Variants in CAPN3 observed in about 807,000 individuals in gnomAD.
CAPN3 encodes calpain 3.
A neutral mutation model predicts 114.0 loss-of-function variants in CAPN3; 88 were observed. The observed-to-expected ratio is 0.77, with a 90% CI of 0.65 to 0.92. CAPN3 has a LOEUF of 0.92. Ranked by LOEUF, CAPN3 falls within the 40% of genes least tolerant of loss-of-function variation. CAPN3 has a pLI of 0.00. For synonymous variants in CAPN3, 386 were observed against 382.9 expected (o/e 1.01, Z -0.09); for missense variants, 1,028 against 1,069.0 (o/e 0.96, Z 0.53).
At chr15:42,370,596 A>C (rs114830042) in intron 1 of CAPN3, among the ~76,000 whole-genome samples, 2,224 of 152,312 alleles carry the variant, frequency 0.015, 56 homozygotes, top group African/African-American at 0.051. Context: ...TGTCCTAGCC[A>C]CAGAGAGGAA....
At position 42,366,728 on chromosome 15, in the gene CAPN3, T is replaced by A. The variant is rs548357458; in HGVS notation, c.309+6614T>A. Among the ~76,000 whole-genome samples the A allele has an allele frequency of 1.3e-4, 19 of 151,964 alleles. No homozygotes were observed. The South Asian group carries it at 3.9e-3, about 32-fold the overall frequency. Reference sequence around the variant, plus strand: ...TTACAAGAGGGAGGAGAGCTAGAACTGAAAGGAAAATGGAGTGGAGGAAGC... The same window carrying A: ...TTACAAGAGGGAGGAGAGCTAGAACAGAAAGGAAAATGGAGTGGAGGAAGC... On this transcript the variant is annotated intron_variant, in intron 1 of 23. Coordinates refer to ENST00000397163, the MANE Select transcript of CAPN3 (RefSeq NM_000070.3).
rs768100265 is a variant in CAPN3 at position 42,359,907 on chromosome 15, TG to T, written c.107del (p.Gly36ValfsTer21). On this transcript the variant is annotated frameshift_variant, in exon 1 of 24. Transcript: ENST00000397163. LOFTEE classifies it high-confidence loss of function. The stretch of plus-strand genomic sequence containing the variant: ...CGGCCCAGAGCAAGGCCACTGAGGC[TG>T]GGGGTGGAAACCCAAGTGGCATCTA... ...HPAQSKATEA[G>X]GGNPSGIYSA... 3 of 1,614,222 alleles carry T rather than the reference TG, an allele frequency of 1.9e-6. No individual in the cohort carries two copies. Among genetic ancestry groups the T allele is most frequent in the Non-Finnish European group, 1.7e-6 (2 of 1,180,042 alleles).
At chr15:42,397,437 C>T (rs192795922) in intron 9 of CAPN3, among the ~76,000 whole-genome samples, 1 of 152,022 alleles carries the variant, frequency 6.6e-6, no homozygotes, top group Non-Finnish European at 1.5e-5. Context: ...GTCAGGAGAT[C>T]GAGAACATCT....
chr15:42,409,401 G>A (rs2054133525), intron 17 of CAPN3, 21 bp downstream of exon 17: 1 of 1,604,608 alleles, frequency 6.2e-7, no homozygotes, highest in Middle Eastern at 1.7e-4. Context: ...CCAAGCCCAG[G>A]ACGCCCACAG....
chr15:42,403,618 G>C, intron 13 of CAPN3, 123 bp from the exon 14 acceptor site: 1 of 883,550 alleles, frequency 1.1e-6, no homozygotes, highest in Non-Finnish European at 1.9e-6. Context: ...GGGTGTTCCA[G>C]GGGTTCTCTA....
chr15:42,404,889 T>A (rs2141207798), intron 14 of CAPN3: 1 of 1,036,700 alleles, frequency 9.6e-7, no homozygotes, highest in African/African-American at 1.7e-5. Context: ...ATCTGGATGC[T>A]GGTCATCGGT....
rs1250069474 is a variant in CAPN3 at position 42,411,992 on chromosome 15, A to T, written c.*219A>T. The T allele has an allele frequency of 6.6e-7, 1 of 1,508,936 alleles. No homozygotes were observed. Among genetic ancestry groups the T allele is most frequent in the East Asian group, 2.5e-5 (1 of 40,704 alleles). The allele number at this position is 1,508,936 out of a possible 1,614,324, so 93.5% of individuals were successfully genotyped here. A position where few individuals can be genotyped will look rare whatever the true frequency, so the allele number is the denominator to read the frequency against. On this transcript the variant is annotated 3_prime_UTR_variant, in exon 24 of 24. Transcript: ENST00000397163. ...GTAAAGCAATGAGGTAGGAAGAACA[A>T]ACCCTTGTCCCTTTGCCATGTGGAG...
intron 1 of CAPN3, among the ~76,000 whole-genome samples, chr15:42,366,612 C>G (rs1351193014): frequency 6.6e-6 from 1 of 151,926 alleles, no homozygotes; most frequent in African/African-American, 2.4e-5. Context: ...ATTATAATTA[C>G]AGAATTACAA....
At chr15:42,402,271 T>C (rs1348453378) in intron 12 of CAPN3, 136 bp downstream of exon 12, 42 of 1,597,560 alleles carry the variant, frequency 2.6e-5, no homozygotes, top group Non-Finnish European at 3.2e-5. Flanking sequence ...GCCTGTGTTA[T>C]TTCCACTGCA....
At chr15:42,405,854 CA>C in intron 14 of CAPN3, 71 bp from the exon 15 acceptor site, 1 of 1,293,658 alleles carries the variant, frequency 7.7e-7, no homozygotes, top group Non-Finnish European at 1.1e-6. Flanking sequence ...ACAGGGAAGC[CA>C]AAAGCCACTG....
intron 1 of CAPN3, among the ~76,000 whole-genome samples, chr15:42,378,433 T>C (rs529962426): frequency 2.0e-5 from 3 of 152,360 alleles, no homozygotes; most frequent in Admixed American, 6.5e-5. Flanking sequence ...GGTTTGTGTT[T>C]ATATCCTATA....
In CAPN3 at chr15:42,387,736, G is replaced by A. The variant is rs1239657060; in HGVS notation, c.499-17G>A. On this transcript the variant is annotated splice_polypyrimidine_tract_variant and intron_variant, in intron 3 of 23. Coordinates refer to ENST00000397163, the MANE Select transcript of CAPN3 (RefSeq NM_000070.3). Reference sequence around the variant, plus strand: ...GTAATTTGAGTATGTGACTCTGTGCGTGACGCTTCTGTGCAGTTCTGGCGC... The same window carrying A: ...GTAATTTGAGTATGTGACTCTGTGCATGACGCTTCTGTGCAGTTCTGGCGC... 6 of 1,614,158 alleles carry A rather than the reference G, an allele frequency of 3.7e-6. No homozygotes were observed. Among genetic ancestry groups the A allele is most frequent in the Middle Eastern group, 3.3e-4 (2 of 6,060 alleles).
intron 16 of CAPN3, 37 bp downstream of exon 16, chr15:42,408,361 C>G (rs770176662): frequency 7.6e-7 from 1 of 1,323,512 alleles, no homozygotes; most frequent in African/African-American, 1.4e-5. Flanking sequence ...GTGGCCAGCA[C>G]GCTACAGGGG....
intron 1 of CAPN3, among the ~76,000 whole-genome samples, chr15:42,380,625 A>ATG (rs1464517969): frequency 7.0e-6 from 1 of 142,892 alleles, no homozygotes; most frequent in African/African-American, 2.7e-5. Context: ...ATGTATGTAT[A>ATG]TGTGTGTGTA....
In CAPN3 at chr15:42,409,911, A is replaced by C. The variant is rs1370152677; in HGVS notation, c.2051-20A>C. The C allele has an allele frequency of 2.5e-6, 4 of 1,612,052 alleles. No homozygotes were observed. In the African/African-American group the frequency reaches 5.4e-5, roughly 22 times the overall value. On this transcript the variant is annotated intron_variant, in intron 18 of 23. Coordinates refer to ENST00000397163, the MANE Select transcript of CAPN3 (RefSeq NM_000070.3). ...TCCCGTTGTCTCAAAGCAGCTCCTC[A>C]CTCTTCTCCATCCCCCCAGACAAGG... is the stretch of plus-strand genomic sequence containing the variant.
chr15:42,369,036 A>T (rs2052863303), intron 1 of CAPN3, among the ~76,000 whole-genome samples: 1 of 152,206 alleles, frequency 6.6e-6, no homozygotes. Flanking sequence ...CTTCTGGCTG[A>T]TTTCTGTCAG....
intron 12 of CAPN3, chr15:42,402,507 T>C (rs1463110209): frequency 1.4e-6 from 2 of 1,432,626 alleles, no homozygotes; most frequent in South Asian, 1.5e-5. Context: ...CTAGGCCTCC[T>C]TGGGGGTCCT....
At chr15:42,389,390 C>G (rs750651913) in intron 5 of CAPN3, among the ~76,000 whole-genome samples, 2 of 152,190 alleles carry the variant, frequency 1.3e-5, no homozygotes, top group Non-Finnish European at 2.9e-5. Flanking sequence ...AGTCTCAGCA[C>G]GCTCCCATTA....
intron 9 of CAPN3, among the ~76,000 whole-genome samples, chr15:42,398,256 T>A (rs371133709): frequency 1.3e-5 from 2 of 152,054 alleles, no homozygotes; most frequent in South Asian, 2.1e-4. Context: ...TTCTTTGTGT[T>A]GGGAACATTA....
Sources: gnomAD v4.1 joint callset for allele counts (sites outside exome capture counted in the v4.1 genomes callset) on GRCh38, gnomAD v4.1.1 for gene constraint, MANE v1.5 for transcripts, NCBI Gene and HGNC (gene_info 2026-07-23, HGNC 2026-07-21) for gene names.